TM6SF1: variants seen among roughly 807,000 people sequenced by gnomAD.
The protein encoded by TM6SF1 is transmembrane 6 superfamily member 1.
TM6SF1 carries 43 observed loss-of-function variants against 47.1 expected under a neutral mutation model. That is an observed-to-expected ratio of 0.91 (90% confidence interval 0.72 to 1.18). TM6SF1 has a LOEUF of 1.18. Among genes scored for constraint, TM6SF1 ranks in the 50% most tolerant of loss-of-function variants. The pLI is 0.00. For synonymous variants in TM6SF1, 177 were observed against 166.3 expected, an observed-to-expected ratio of 1.06 and a Z score of -0.49; for missense variants, 390 against 449.0, an observed-to-expected ratio of 0.87 and a Z score of 1.19.
At chr15:83,121,852 G>T in intron 4 of TM6SF1, 69 bp from the exon 5 acceptor site, 2 of 1,093,612 alleles carry the variant, frequency 1.8e-6, no homozygotes, top group East Asian at 4.8e-5. Context: ...TAATATTGAA[G>T]ATCATTTTTT....
chr15:83,134,614 C>T (rs1004507757), intron 9 of TM6SF1: 10 of 152,192 alleles, frequency 6.6e-5, no homozygotes, highest in African/African-American at 2.4e-4. Context: ...TACGGAATCA[C>T]TGACTTTTTA....
At chr15:83,135,464 T>G (rs181212941) in intron 9 of TM6SF1, 2 of 152,358 alleles carry the variant, frequency 1.3e-5, no homozygotes, top group Admixed American at 6.5e-5. Context: ...TACATTTAGA[T>G]TCCCAATCCT....
intron 6 of TM6SF1, among the ~76,000 whole-genome samples, chr15:83,123,579 G>T (rs1396432197): frequency 1.3e-5 from 2 of 152,158 alleles, no homozygotes; most frequent in Non-Finnish European, 2.9e-5. Flanking sequence ...TTTTACAAAA[G>T]ATTTTCAGTA....
chr15:83,118,447 A>G (rs2034902586), intron 3 of TM6SF1, among the ~76,000 whole-genome samples: 1 of 152,232 alleles, frequency 6.6e-6, no homozygotes, highest in Non-Finnish European at 1.5e-5. Flanking sequence ...TTAGCAATGG[A>G]AGTCTGAAAC....
At chr15:83,123,066 C>T (rs1328742055) in intron 6 of TM6SF1, among the ~76,000 whole-genome samples, 188 bp downstream of exon 6, 1 of 152,198 alleles carries the variant, frequency 6.6e-6, no homozygotes, top group Non-Finnish European at 1.5e-5. Context: ...CTGTTTCTGT[C>T]TGAATACATC....
chr15:83,131,309 T>C (rs1317211626), intron 9 of TM6SF1: 1 of 151,926 alleles, frequency 6.6e-6, no homozygotes, highest in African/African-American at 2.4e-5. Context: ...TTTGAAAAGT[T>C]CTAGATCAGT....
intron 1 of TM6SF1, among the ~76,000 whole-genome samples, chr15:83,110,625 C>T (rs1362515085): frequency 6.6e-6 from 1 of 152,166 alleles, no homozygotes; most frequent in Non-Finnish European, 1.5e-5. Flanking sequence ...CTGACCACCA[C>T]CTGCCTCAGG....
intron 9 of TM6SF1, chr15:83,131,338 T>C (rs780156311): frequency 2.0e-5 from 3 of 151,472 alleles, no homozygotes; most frequent in Non-Finnish European, 2.9e-5. Context: ...ATGGAAGAAA[T>C]ATTGAGTAGT....
intron 1 of TM6SF1, among the ~76,000 whole-genome samples, chr15:83,108,736 T>C (rs2033891677): frequency 1.3e-5 from 2 of 152,192 alleles, no homozygotes; most frequent in South Asian, 4.1e-4. Flanking sequence ...CATCAGTCTG[T>C]AGGCTGCAAA....
chr15:83,124,606 T>C (rs1455373237), intron 6 of TM6SF1, 66 bp from the exon 7 acceptor site: 1 of 1,196,330 alleles, frequency 8.4e-7, no homozygotes. Flanking sequence ...TGACATTTAA[T>C]GTTTCAGATT....
At position 83,112,070 on chromosome 15, in the gene TM6SF1, G is replaced by A. The variant is rs1308150508; in HGVS notation, c.93-727G>A. On this transcript the variant is annotated intron_variant, in intron 1 of 9. Transcript: ENST00000322019. The stretch of plus-strand genomic sequence containing the variant: ...CCTCGTGCCCTATCGCTGCCCCACT[G>A]AGTAGCGGCTTTGGCCCCTGCTGTC... Among the ~76,000 whole-genome samples, 3 of 152,294 alleles carry A rather than the reference G, an allele frequency of 2.0e-5. No homozygotes were observed. In the East Asian group the frequency reaches 5.8e-4, roughly 29 times the overall value.
In TM6SF1 at chr15:83,122,769, C is replaced by G. The variant is rs1485751218; in HGVS notation, c.494C>G (p.Thr165Arg). The G allele has an allele frequency of 1.9e-6, 3 of 1,613,800 alleles. No homozygotes were observed. The Middle Eastern group carries it at 5.0e-4, about 267-fold the overall frequency. ...CTCTTTTAAATAGGGAAGTATGGAA[C>G]ACGAATTTGCCCTGCTTTTTTCTTA... ...VPGNIVGKYG[T>R]RICPAFFLSI... Residue 165 changes from threonine (T) to arginine (R), a missense_variant, in exon 6 of 10, where the codon ACA becomes AGA. By Grantham distance (71) the Thr-to-Arg change is moderately conservative. Transcript: ENST00000322019.
intron 9 of TM6SF1, chr15:83,127,864 A>G (rs2035905788): frequency 7.6e-6 from 2 of 262,696 alleles, no homozygotes; most frequent in South Asian, 8.0e-5. Flanking sequence ...AAGACTTCAG[A>G]ATTCCACTAC....
At chr15:83,109,812 T>C (rs1232096969) in intron 1 of TM6SF1, among the ~76,000 whole-genome samples, 8 of 152,184 alleles carry the variant, frequency 5.3e-5, no homozygotes, top group Non-Finnish European at 1.2e-4. Context: ...CTCTCCAGCC[T>C]CTAGCCCGGA....
In TM6SF1 at chr15:83,136,469, TA is replaced by T. The variant is rs761025193; in HGVS notation, c.922-9del. The T allele has an allele frequency of 1.2e-5, 18 of 1,562,240 alleles. No homozygotes were observed. In the South Asian group the frequency reaches 1.8e-4, roughly 16 times the overall value. On this transcript the variant is annotated splice_polypyrimidine_tract_variant and intron_variant, in intron 9 of 9. Coordinates refer to ENST00000322019, the MANE Select transcript of TM6SF1 (RefSeq NM_023003.5). ...TCATGCTTACTCAATTTTTTTTTTT[TA>T]AATGCAACAGGCTCAGTTTTCTCAC...
Position 83,136,637 on chromosome 15 carries a change from T to C in TM6SF1, c.1078T>C (p.Phe360Leu). The stretch of plus-strand genomic sequence containing the variant: ...TCGTTGTATCTACAAACCAGAGTTC[T>C]TCATAAAAACAAAGGCAGAAGAAAA... ...AYRCIYKPEFFIKTKAEEKVE is the reference protein window; with the variant it reads ...AYRCIYKPEFLIKTKAEEKVE The change falls in exon 10 of 10, where the codon TTC becomes CTC. Residue 360 changes from phenylalanine (F) to leucine (L), a missense_variant. Coordinates refer to ENST00000322019, the MANE Select transcript of TM6SF1 (RefSeq NM_023003.5). The C allele has an allele frequency of 6.2e-7, 1 of 1,602,824 alleles. No individual in the cohort carries two copies. The highest frequency in any genetic ancestry group is 1.8e-5 in the Admixed American group (1 of 56,616).
intron 7 of TM6SF1, among the ~76,000 whole-genome samples, chr15:83,125,307 A>G (rs2035639648): frequency 1.3e-5 from 2 of 152,214 alleles, no homozygotes; most frequent in Admixed American, 6.5e-5. Context: ...AAATACATTA[A>G]GGGCACATGG....
At chr15:83,123,186 G>A (rs983709602) in intron 6 of TM6SF1, among the ~76,000 whole-genome samples, 1 of 152,198 alleles carries the variant, frequency 6.6e-6, no homozygotes, top group Non-Finnish European at 1.5e-5. Context: ...ATAGTGTGTG[G>A]TTCATCTAGG....
intron 4 of TM6SF1, among the ~76,000 whole-genome samples, chr15:83,121,190 C>A (rs1472833902): frequency 6.6e-6 from 1 of 152,080 alleles, no homozygotes; most frequent in Non-Finnish European, 1.5e-5. Context: ...CCTGCCTCAG[C>A]CTCCCAAGTA....
Sources: allele counts gnomAD v4.1 joint callset (sites outside exome capture counted in the v4.1 genomes callset), GRCh38; gene constraint gnomAD v4.1.1; transcripts MANE v1.5; gene names NCBI Gene and HGNC (gene_info 2026-07-23, HGNC 2026-07-21).